The following FGF14 variants were observed in gnomAD, a reference collection of about 807,000 sequenced individuals.
FGF14 encodes the protein fibroblast growth factor homologous factor 4.
In FGF14, 5 loss-of-function variants were observed where a neutral mutation model predicts 25.5. The observed-to-expected ratio is 0.20, with a 90% CI of 0.10 to 0.41. The LOEUF (loss-of-function observed/expected upper bound fraction) is 0.41. FGF14 is among the 10% of genes least tolerant of loss of function. FGF14 has a pLI of 1.00. For missense variants in FGF14, 222 were observed against 320.1 expected (o/e 0.69, Z 2.34); for synonymous variants, 138 against 118.3 (o/e 1.17, Z -1.08).
At chr13:102,324,510 T>C (rs1429314222) in intron 1 of FGF14, among the ~76,000 whole-genome samples, 1 of 152,176 alleles carries the variant, frequency 6.6e-6, no homozygotes. Flanking sequence ...CCTAGCTTTC[T>C]TCCCACCCCT....
intron 1 of FGF14, among the ~76,000 whole-genome samples, chr13:102,123,037 T>A (rs2045798677): frequency 6.6e-6 from 1 of 152,176 alleles, no homozygotes; most frequent in African/African-American, 2.4e-5. Context: ...TGAGATTTGA[T>A]TTTAAGATGG....
At chr13:102,168,513 C>T (rs2048114138) in intron 1 of FGF14, among the ~76,000 whole-genome samples, 1 of 152,112 alleles carries the variant, frequency 6.6e-6, no homozygotes, top group Admixed American at 6.6e-5. Context: ...AATACAAAGA[C>T]TCCACTGACC....
intron 1 of FGF14, among the ~76,000 whole-genome samples, chr13:102,136,705 G>C (rs1288365874): frequency 6.6e-6 from 1 of 151,628 alleles, no homozygotes; most frequent in Non-Finnish European, 1.5e-5. Context: ...TAGTCCATAG[G>C]TTTGAACCAT....
intron 1 of FGF14, among the ~76,000 whole-genome samples, chr13:102,236,135 T>C (rs980737230): frequency 8.5e-5 from 13 of 152,192 alleles, no homozygotes; most frequent in Admixed American, 1.3e-4. Context: ...CTAAGGTGAG[T>C]GCGTCCCTCC....
At chr13:101,817,282 C>A (rs1204259366) in intron 3 of FGF14, among the ~76,000 whole-genome samples, 1 of 149,576 alleles carries the variant, frequency 6.7e-6, no homozygotes, top group East Asian at 1.9e-4. Context: ...CTTTTTTTTT[C>A]TCTTTAATAC....
At chr13:102,179,637 T>TA (rs1455647398) in intron 1 of FGF14, among the ~76,000 whole-genome samples, 2 of 152,166 alleles carry the variant, frequency 1.3e-5, no homozygotes, top group Non-Finnish European at 2.9e-5. Context: ...AATTGAGACT[T>TA]ACAGTGGTTA....
At chr13:102,372,275 C>A (rs139767211) in intron 1 of FGF14, among the ~76,000 whole-genome samples, 1 of 152,120 alleles carries the variant, frequency 6.6e-6, no homozygotes, top group East Asian at 1.9e-4. Flanking sequence ...AAATAAGAAA[C>A]CTACAGGATG....
At chr13:102,056,529 A>G (rs1051499557) in intron 1 of FGF14, among the ~76,000 whole-genome samples, 4 of 152,198 alleles carry the variant, frequency 2.6e-5, no homozygotes, top group African/African-American at 9.6e-5. Context: ...TAATTTCTCC[A>G]AAGTGCTAAG....
At chr13:101,824,579 A>C (rs1384394271) in intron 3 of FGF14, among the ~76,000 whole-genome samples, 1 of 152,162 alleles carries the variant, frequency 6.6e-6, no homozygotes, top group Non-Finnish European at 1.5e-5. Context: ...TTTTTGATTA[A>C]AAAATATTTG....
At chr13:101,750,179 C>T (rs1002367240) in intron 3 of FGF14, among the ~76,000 whole-genome samples, 2 of 152,090 alleles carry the variant, frequency 1.3e-5, no homozygotes, top group East Asian at 1.9e-4. Context: ...ATAGTATTTT[C>T]GTGTAGCAGC....
At chr13:102,006,727 CTTTTTTTTTT>C (rs774872814) in intron 1 of FGF14, among the ~76,000 whole-genome samples, 7 of 61,950 alleles carry the variant, frequency 1.1e-4, no homozygotes, top group South Asian at 7.3e-4. Context: ...AATCTTACTT[CTTTTTTTTTT>C]TTTTTTTTTT....
At chr13:102,054,998 C>T (rs949404343) in intron 1 of FGF14, among the ~76,000 whole-genome samples, 7 of 152,332 alleles carry the variant, frequency 4.6e-5, no homozygotes, top group Middle Eastern at 3.4e-3. Flanking sequence ...CCATGTCTCA[C>T]ATTCCAGTCC....
intron 1 of FGF14, among the ~76,000 whole-genome samples, chr13:102,071,962 C>A (rs1011261589): frequency 1.3e-5 from 2 of 152,104 alleles, no homozygotes; most frequent in Non-Finnish European, 2.9e-5. Context: ...TCCCCTCCAA[C>A]CCCCAGCATA....
rs570509286 is a variant in FGF14 at position 102,396,529 on chromosome 13, C to G, written c.208+4942G>C. On this transcript the variant is annotated intron_variant, in intron 1 of 4. Coordinates refer to the FGF14 transcript ENST00000376131. Reference sequence around the variant, plus strand: ...ATGTATAAAAACACTTCACAAAAGTCTCCAATGTTTGTGTTGCTAAAACAT... The same window carrying G: ...ATGTATAAAAACACTTCACAAAAGTGTCCAATGTTTGTGTTGCTAAAACAT... 8.5e-5 allele frequency among the ~76,000 whole-genome samples: 13 copies of G among 152,292 alleles called. No individual in the cohort carries two copies. In the South Asian group the frequency reaches 2.5e-3, roughly 29 times the overall value.
chr13:101,815,439 C>T (rs559043954), intron 3 of FGF14, among the ~76,000 whole-genome samples: 8 of 152,144 alleles, frequency 5.3e-5, no homozygotes, highest in Non-Finnish European at 7.4e-5. Flanking sequence ...GTCACTGATG[C>T]CTGCCTGGAA....
chr13:101,774,802 C>T (rs975095486), intron 3 of FGF14, among the ~76,000 whole-genome samples: 1 of 151,886 alleles, frequency 6.6e-6, no homozygotes, highest in African/African-American at 2.4e-5. Context: ...CCTGTAATCC[C>T]AGCACTTTGG....
At position 101,995,532 on chromosome 13, in the gene FGF14, G is replaced by C. The variant is rs1342657541; in HGVS notation, c.209-120236C>G. Among the ~76,000 whole-genome samples the C allele has an allele frequency of 2.0e-5, 3 of 152,064 alleles. No individual in the cohort carries two copies. The East Asian group carries it at 5.8e-4, about 29-fold the overall frequency. ...TTAATTCAGTTTAACAAGCATGTAA[G>C]TACATTATCTTACCAATTAGAGTAA... On this transcript the variant is annotated intron_variant, in intron 1 of 4. Coordinates refer to the FGF14 transcript ENST00000376131.
At chr13:102,302,615 A>G in intron 1 of FGF14, among the ~76,000 whole-genome samples, 1 of 152,164 alleles carries the variant, frequency 6.6e-6, no homozygotes, top group East Asian at 1.9e-4. Flanking sequence ...TAAATGTTGC[A>G]TGTCTGAACC....
intron 1 of FGF14, among the ~76,000 whole-genome samples, chr13:102,161,683 A>T (rs1161880989): frequency 0.014 from 771 of 54,902 alleles, 53 homozygotes; most frequent in Middle Eastern, 0.057. Context: ...GAAGAAGAAG[A>T]AGAAGAAGAA....
Sources: allele counts gnomAD v4.1 joint callset (sites outside exome capture counted in the v4.1 genomes callset), GRCh38; gene constraint gnomAD v4.1.1; transcripts MANE v1.5; gene names NCBI Gene and HGNC (gene_info 2026-07-23, HGNC 2026-07-21).